Variants in FAM25C observed in about 807,000 individuals in gnomAD.
FAM25C encodes the protein family with sequence similarity 25 member C.
In FAM25C, 4 loss-of-function variants were observed where a neutral mutation model predicts 9.6. The ratio of observed to expected loss-of-function variants is 0.42; its 90% CI spans 0.20 to 0.95. The LOEUF is 0.95. Ranked by LOEUF, FAM25C falls within the 40% of genes least tolerant of loss-of-function variation. The pLI, the probability that FAM25C is intolerant of heterozygous loss-of-function variation, is 0.31. For missense variants in FAM25C, 38 were observed against 110.4 expected (o/e 0.34, Z 2.94); for synonymous variants, 23 against 44.1 (o/e 0.52, Z 1.89).
At chr10:47,997,783 C>A (rs1274731770) in intron 1 of FAM25C, 44 bp from the exon 2 acceptor site, 3 of 1,532,460 alleles carry the variant, frequency 2.0e-6, no homozygotes, top group South Asian at 1.2e-5. Context: ...CAGAGCAGGC[C>A]GGCTGCCCCT....
intron 2 of FAM25C, among the ~76,000 whole-genome samples, chr10:47,996,820 ATTTTT>A (rs60497249): frequency 5.3e-5 from 4 of 75,034 alleles, no homozygotes; most frequent in Non-Finnish European, 7.2e-5. Flanking sequence ...TTACATGTTA[ATTTTT>A]TTTTTTTTTT....
chr10:47,996,853 A>G (rs1159374027), intron 2 of FAM25C, among the ~76,000 whole-genome samples: 2 of 85,206 alleles, frequency 2.3e-5, no homozygotes, highest in Non-Finnish European at 4.1e-5. Context: ...TTTTTTTGAG[A>G]CAGAGTATCA....
intron 2 of FAM25C, among the ~76,000 whole-genome samples, chr10:47,995,797 T>C (rs1401212993): frequency 4.0e-5 from 6 of 151,018 alleles, no homozygotes; most frequent in African/African-American, 9.7e-5. Flanking sequence ...ACCATTTTTA[T>C]ATTGGGTTGT....
At chr10:47,995,624 G>A (rs1192670790) in intron 2 of FAM25C, 113 bp from the exon 3 acceptor site, 31 of 1,027,524 alleles carry the variant, frequency 3.0e-5, no homozygotes, top group Middle Eastern at 6.2e-4. Context: ...GGAGTGGCCC[G>A]ATGGGACCAA....
Position 47,998,466 on chromosome 10 carries a change from C to T in FAM25C, c.74-727G>A, listed in dbSNP as rs376855968. Among the ~76,000 whole-genome samples the T allele has an allele frequency of 3.2e-4, 45 of 140,822 alleles. No individual in the cohort carries two copies. The South Asian group carries it at 0.01, about 32-fold the overall frequency. The allele number at this position is 140,822 out of a possible 152,430, so 92.4% of individuals were successfully genotyped here. On this transcript the variant is annotated intron_variant, in intron 1 of 2. Coordinates refer to ENST00000617224, the MANE Select transcript of FAM25C (RefSeq NM_001137548.3). ...CAGGTCACGGGGGCGGCAAGTCCAGCGGAGTCAAAGGAATGAGAAAGAGAC... is the reference window on the plus strand; with the variant it reads ...CAGGTCACGGGGGCGGCAAGTCCAGTGGAGTCAAAGGAATGAGAAAGAGAC...
intron 2 of FAM25C, 95 bp from the exon 3 acceptor site, chr10:47,995,606 T>C: frequency 7.9e-7 from 1 of 1,259,244 alleles, no homozygotes; most frequent in South Asian, 1.5e-5. Flanking sequence ...CTTAATGGAT[T>C]AGTCTCTGGA....
chr10:47,997,337 C>G (rs1842815946), intron 2 of FAM25C, among the ~76,000 whole-genome samples: 1 of 151,546 alleles, frequency 6.6e-6, no homozygotes, highest in African/African-American at 2.4e-5. Flanking sequence ...TCTCGATCTC[C>G]TGACCTCGTG....
rs1231789158 is a variant in FAM25C at position 47,997,132 on chromosome 10, C to T, written c.136+545G>A. Among the ~76,000 whole-genome samples the T allele has an allele frequency of 6.8e-5, 8 of 117,310 alleles. No homozygotes were observed. In the East Asian group the frequency reaches 8.2e-4, roughly 12 times the overall value. The allele number at this position is 117,310 out of a possible 152,430, so 77.0% of individuals were successfully genotyped here. On this transcript the variant is annotated intron_variant, in intron 2 of 2. Coordinates refer to ENST00000617224, the MANE Select transcript of FAM25C (RefSeq NM_001137548.3). The stretch of plus-strand genomic sequence containing the variant: ...CCGCCCCCAGCAATTTTTTTGAGAC[C>T]GAGTTTCGCTCTGTAGCCCAGGCTG...
rs571341875 is a variant in FAM25C at position 47,995,623 on chromosome 10, C to T, written c.137-112G>A. 498 of 1,032,764 alleles carry T rather than the reference C, an allele frequency of 4.8e-4. 4 individuals carry two copies. In the African/African-American group the frequency reaches 6.8e-3, roughly 14 times the overall value. The allele number at this position is 1,032,764 out of a possible 1,614,324, so 64.0% of individuals were successfully genotyped here. A position where few individuals can be genotyped will look rare whatever the true frequency, so the allele number is the denominator to read the frequency against. ...TAATGGATTAGTCTCTGGAGTGGCC[C>T]GATGGGACCAAGGGCAGCAGGATTA... is the stretch of plus-strand genomic sequence containing the variant. On this transcript the variant is annotated intron_variant, in intron 2 of 2. Coordinates refer to ENST00000617224, the MANE Select transcript of FAM25C (RefSeq NM_001137548.3).
At chr10:47,998,038 G>A (rs1371057647) in intron 1 of FAM25C, among the ~76,000 whole-genome samples, 1 of 151,106 alleles carries the variant, frequency 6.6e-6, no homozygotes, top group Non-Finnish European at 1.5e-5. Flanking sequence ...CAGGGCCTTG[G>A]CTACCGGGAG....
At chr10:47,996,820 ATTTTTT>A (rs60497249) in intron 2 of FAM25C, among the ~76,000 whole-genome samples, 2 of 75,034 alleles carry the variant, frequency 2.7e-5, no homozygotes, top group Non-Finnish European at 4.8e-5. Context: ...TTACATGTTA[ATTTTTT>A]TTTTTTTTTT....
intron 1 of FAM25C, among the ~76,000 whole-genome samples, chr10:47,997,949 T>A (rs1339633822): frequency 3.4e-5 from 5 of 147,110 alleles, no homozygotes; most frequent in Non-Finnish European, 7.5e-5. Context: ...TAGATGGGGC[T>A]CTGGGATGCC....
intron 1 of FAM25C, among the ~76,000 whole-genome samples, chr10:47,998,547 G>C (rs200323924): frequency 8.0e-6 from 1 of 124,226 alleles, no homozygotes; most frequent in Non-Finnish European, 1.7e-5. Context: ...GGCTGCGAAG[G>C]CCCCGAGTTC....
chr10:47,997,955 A>G (rs3013919), intron 1 of FAM25C, among the ~76,000 whole-genome samples: 19 of 148,396 alleles, frequency 1.3e-4, no homozygotes, highest in Non-Finnish European at 2.4e-4. Flanking sequence ...GGGCTCTGGG[A>G]TGCCACCCCC....
In FAM25C at chr10:47,995,364, G is replaced by A; in HGVS notation, c.*14C>T. 6.7e-7 allele frequency: 1 copy of A among 1,482,084 alleles called. No homozygotes were observed. Among genetic ancestry groups the A allele is most frequent in the Non-Finnish European group, 9.1e-7 (1 of 1,100,798 alleles). The allele number at this position is 1,482,084 out of a possible 1,614,324, so 91.8% of individuals were successfully genotyped here. On this transcript the variant is annotated 3_prime_UTR_variant, in exon 3 of 3. Transcript: ENST00000617224. ...TTTATTGAGACTGGGGAAGGGCCGT[G>A]GTAGCAGGTGCACTCACTGTCCAAG...
rs1842790583 is a variant in FAM25C at position 47,995,602 on chromosome 10, G to A, written c.137-91C>T. The A allele has an allele frequency of 2.4e-5, 31 of 1,277,634 alleles. No homozygotes were observed. The South Asian group carries it at 3.7e-4, about 15-fold the overall frequency. The allele number at this position is 1,277,634 out of a possible 1,614,324, so 79.1% of individuals were successfully genotyped here. A position where few individuals can be genotyped will look rare whatever the true frequency, so the allele number is the denominator to read the frequency against. On this transcript the variant is annotated intron_variant, in intron 2 of 2. Coordinates refer to ENST00000617224, the MANE Select transcript of FAM25C (RefSeq NM_001137548.3). ...GCCTGTGGGATGTGGCCATCTTAAT[G>A]GATTAGTCTCTGGAGTGGCCCGATG...
intron 1 of FAM25C, among the ~76,000 whole-genome samples, chr10:47,997,970 A>G (rs2132305317): frequency 6.7e-6 from 1 of 149,312 alleles, no homozygotes; most frequent in Non-Finnish European, 1.5e-5. Flanking sequence ...ACCCCCAGCC[A>G]GGACAGACTG....
At chr10:47,998,467 G>A (rs1199693412) in intron 1 of FAM25C, among the ~76,000 whole-genome samples, 5 of 141,294 alleles carry the variant, frequency 3.5e-5, no homozygotes, top group East Asian at 4.2e-4. Flanking sequence ...CAAGTCCAGC[G>A]GAGTCAAAGG....
intron 1 of FAM25C, among the ~76,000 whole-genome samples, chr10:47,998,071 G>A (rs1267742936): frequency 1.3e-4 from 20 of 151,510 alleles, no homozygotes; most frequent in African/African-American, 4.6e-4. Context: ...AGCCCCATGA[G>A]GGCATGGGTC....
Sources: gnomAD v4.1 joint callset for allele counts (sites outside exome capture counted in the v4.1 genomes callset) on GRCh38, gnomAD v4.1.1 for gene constraint, MANE v1.5 for transcripts, NCBI Gene and HGNC (gene_info 2026-07-23, HGNC 2026-07-21) for gene names.